The following LPAR1 variants were observed in gnomAD, a reference collection of about 807,000 sequenced individuals.
LPAR1 encodes LPA receptor 1.
In LPAR1, 5 loss-of-function variants were observed where a neutral mutation model predicts 23.8. That is an observed-to-expected ratio of 0.21 (90% confidence interval 0.11 to 0.44). The LOEUF (loss-of-function observed/expected upper bound fraction) is 0.44. Ranked by LOEUF, LPAR1 falls within the 20% of genes least tolerant of loss-of-function variation. LPAR1 has a pLI of 0.99. For missense variants in LPAR1, 311 were observed against 482.8 expected (o/e 0.64, Z 3.33); for synonymous variants, 160 against 164.7 (o/e 0.97, Z 0.22).
intron 4 of LPAR1, among the ~76,000 whole-genome samples, chr9:110,957,721 A>G (rs2095811475): frequency 6.6e-6 from 1 of 152,148 alleles, no homozygotes; most frequent in Non-Finnish European, 1.5e-5. Flanking sequence ...ACATAATACT[A>G]GAAGTTCCAG....
chr9:110,989,771 T>C (rs540014090), intron 2 of LPAR1, among the ~76,000 whole-genome samples: 84 of 152,248 alleles, frequency 5.5e-4, no homozygotes, highest in Non-Finnish European at 1.1e-3. Flanking sequence ...TAAATGTAAG[T>C]GGTCTAAACA....
chr9:110,917,005 ACTT>A (rs2093192011), intron 5 of LPAR1, among the ~76,000 whole-genome samples: 1 of 151,722 alleles, frequency 6.6e-6, no homozygotes, highest in South Asian at 2.1e-4. Flanking sequence ...AGATAAAATA[ACTT>A]CTTTTCAAAT....
intron 2 of LPAR1, among the ~76,000 whole-genome samples, chr9:111,029,651 C>A (rs1005814550): frequency 2.0e-5 from 3 of 152,024 alleles, no homozygotes; most frequent in African/African-American, 7.2e-5. Flanking sequence ...CTTGGTTTAC[C>A]GTATTCATCA....
intron 5 of LPAR1, among the ~76,000 whole-genome samples, chr9:110,927,744 G>A (rs2094142695): frequency 6.6e-6 from 1 of 152,060 alleles, no homozygotes; most frequent in South Asian, 2.1e-4. Flanking sequence ...CACAATAGTA[G>A]ATGGTTTAGT....
intron 5 of LPAR1, among the ~76,000 whole-genome samples, chr9:110,934,159 C>T (rs762377589): frequency 3.3e-5 from 5 of 152,166 alleles, no homozygotes; most frequent in Non-Finnish European, 7.3e-5. Context: ...CATGGGGTAG[C>T]TTTAGTTCCC....
chr9:110,897,600 G>A (rs2086882677), intron 5 of LPAR1, among the ~76,000 whole-genome samples: 1 of 152,110 alleles, frequency 6.6e-6, no homozygotes, highest in African/African-American at 2.4e-5. Context: ...TCTGAATGTG[G>A]AACAGCATTT....
chr9:110,946,690 A>T (rs2095394766), intron 4 of LPAR1, among the ~76,000 whole-genome samples: 1 of 152,176 alleles, frequency 6.6e-6, no homozygotes, highest in Non-Finnish European at 1.5e-5. Flanking sequence ...ACACACACAC[A>T]CACACAATAA....
chr9:110,909,035 G>A (rs368086499), intron 5 of LPAR1, among the ~76,000 whole-genome samples: 17 of 152,282 alleles, frequency 1.1e-4, no homozygotes, highest in Middle Eastern at 3.4e-3. Flanking sequence ...AAACTCACCA[G>A]ATCACTGTAC....
At chr9:111,033,964 A>G (rs192647067) in intron 2 of LPAR1, among the ~76,000 whole-genome samples, 1 of 152,242 alleles carries the variant, frequency 6.6e-6, no homozygotes, top group Non-Finnish European at 1.5e-5. Context: ...ACCAGTGTAT[A>G]TCCTCCTGTG....
At chr9:110,890,387 G>C (rs2083734286) in intron 5 of LPAR1, among the ~76,000 whole-genome samples, 1 of 151,958 alleles carries the variant, frequency 6.6e-6, no homozygotes, top group African/African-American at 2.4e-5. Context: ...ACTTCCTATG[G>C]AATTTATATT....
At chr9:110,958,171 T>C (rs1192442905) in intron 4 of LPAR1, among the ~76,000 whole-genome samples, 1 of 152,134 alleles carries the variant, frequency 6.6e-6, no homozygotes, top group Non-Finnish European at 1.5e-5. Flanking sequence ...ATCTACAGAT[T>C]CAATGCAATC....
chr9:110,928,704 C>T (rs2094205270), intron 5 of LPAR1, among the ~76,000 whole-genome samples: 1 of 152,108 alleles, frequency 6.6e-6, no homozygotes, highest in Admixed American at 6.6e-5. Context: ...CAATTTATAG[C>T]TTGGCCTTTC....
chr9:110,912,227 T>C (rs576373318), intron 5 of LPAR1, among the ~76,000 whole-genome samples: 2 of 152,316 alleles, frequency 1.3e-5, no homozygotes, highest in African/African-American at 4.8e-5. Flanking sequence ...TGTGGCCAGA[T>C]CTCTTTGCTG....
chr9:110,987,681 T>C (rs1163501672), intron 2 of LPAR1, among the ~76,000 whole-genome samples: 2 of 151,320 alleles, frequency 1.3e-5, no homozygotes, highest in South Asian at 2.1e-4. Flanking sequence ...TATATATATA[T>C]ATATATATAA....
intron 4 of LPAR1, among the ~76,000 whole-genome samples, chr9:110,958,200 T>C (rs934328737): frequency 6.6e-6 from 1 of 152,264 alleles, no homozygotes; most frequent in Non-Finnish European, 1.5e-5. Context: ...AATACCAATG[T>C]CATTTTTCAC....
At chr9:110,988,456 A>G (rs976150642) in intron 2 of LPAR1, among the ~76,000 whole-genome samples, 1 of 152,182 alleles carries the variant, frequency 6.6e-6, no homozygotes, top group Non-Finnish European at 1.5e-5. Flanking sequence ...CTGCAATTCA[A>G]TAATGAAGAG....
At chr9:110,985,497 C>A (rs1055680783) in intron 2 of LPAR1, among the ~76,000 whole-genome samples, 2 of 152,094 alleles carry the variant, frequency 1.3e-5, no homozygotes, top group African/African-American at 4.8e-5. Flanking sequence ...CGCACACTGA[C>A]TGCAGAGAGA....
rs376767732 is a variant in LPAR1, at chr9:111,008,651, T to C, written c.-182+27471A>G. Among the ~76,000 whole-genome samples the C allele has an allele frequency of 4.6e-5, 7 of 152,078 alleles. No homozygotes were observed. The South Asian group carries it at 1.5e-3, about 32-fold the overall frequency. On this transcript the variant is annotated intron_variant, in intron 2 of 5. Transcript: ENST00000683809. ...GTCACACAGGGAGAGGGTCAGAAAA[T>C]GTGACTGTCTCACACATGGATCTAC...
At chr9:110,971,040 C>T (rs2096402865) in intron 4 of LPAR1, among the ~76,000 whole-genome samples, 1 of 152,152 alleles carries the variant, frequency 6.6e-6, no homozygotes, top group Non-Finnish European at 1.5e-5. Flanking sequence ...GAAGCTGAGA[C>T]AGGAGAATCG....
Sources: gnomAD v4.1 joint callset for allele counts (sites outside exome capture counted in the v4.1 genomes callset) on GRCh38, gnomAD v4.1.1 for gene constraint, MANE v1.5 for transcripts, NCBI Gene and HGNC (gene_info 2026-07-23, HGNC 2026-07-21) for gene names.